Variants in NEK11 observed in about 807,000 individuals in gnomAD.
NEK11 encodes the protein serine/threonine-protein kinase Nek11.
Under a neutral mutation model 80.7 loss-of-function variants are expected in NEK11, and 72 were observed. The observed-to-expected ratio is 0.89, with a 90% CI of 0.74 to 1.08. The LOEUF (loss-of-function observed/expected upper bound fraction) is 1.08. NEK11 is among the 50% of genes least tolerant of loss of function. NEK11 has a pLI of 0.00. For synonymous variants in NEK11, 251 were observed against 260.7 expected (o/e 0.96, Z 0.36); for missense variants, 764 against 763.6 (o/e 1.00, Z -0.01).
intron 15 of NEK11, among the ~76,000 whole-genome samples, chr3:131,241,727 C>T (rs932384854): frequency 6.6e-6 from 1 of 151,548 alleles, no homozygotes; most frequent in Non-Finnish European, 1.5e-5. Context: ...ACACACATAC[C>T]GTACATATAT....
intron 10 of NEK11, among the ~76,000 whole-genome samples, chr3:131,155,470 T>C (rs2090493385): frequency 6.6e-6 from 1 of 152,244 alleles, no homozygotes; most frequent in Non-Finnish European, 1.5e-5. Context: ...ATGTTGTTTG[T>C]TTAATGTGAA....
At chr3:131,144,535 A>G (rs184238478) in intron 7 of NEK11, among the ~76,000 whole-genome samples, 1 of 152,324 alleles carries the variant, frequency 6.6e-6, no homozygotes, top group East Asian at 1.9e-4. Flanking sequence ...AAACACTGGT[A>G]CATAGAAATA....
chr3:131,243,989 T>C (rs1423485348), intron 16 of NEK11, among the ~76,000 whole-genome samples: 1 of 152,020 alleles, frequency 6.6e-6, no homozygotes, highest in Non-Finnish European at 1.5e-5. Flanking sequence ...CCCTATTTCT[T>C]AGTTTCTTCT....
chr3:131,246,474 C>T (rs1307022609), intron 16 of NEK11, among the ~76,000 whole-genome samples: 1 of 152,038 alleles, frequency 6.6e-6, no homozygotes, highest in Non-Finnish European at 1.5e-5. Context: ...GGTGTGTGTA[C>T]CACATGTGTA....
In NEK11 at chr3:131,095,604, T is replaced by A. The variant is rs138058036; in HGVS notation, c.337-14199T>A. Among the ~76,000 whole-genome samples, 91 of 152,290 alleles carry A rather than the reference T, an allele frequency of 6.0e-4. No individual in the cohort carries two copies. In the East Asian group the frequency reaches 0.012, roughly 20 times the overall value. Reference sequence around the variant, plus strand: ...CTATCAAGTTTCTGGGAATTTCATATAATTTCTGGAAAACATATTAATAAC... The same window carrying A: ...CTATCAAGTTTCTGGGAATTTCATAAAATTTCTGGAAAACATATTAATAAC... On this transcript the variant is annotated intron_variant, in intron 4 of 17. Transcript: ENST00000383366.
intron 3 of NEK11, among the ~76,000 whole-genome samples, chr3:131,035,174 G>C (rs76863087): frequency 0.01 from 1,529 of 152,208 alleles, 20 homozygotes; most frequent in East Asian, 0.072. Context: ...CCAGGCTCTT[G>C]CCTCCTCAGA....
rs371209855 is a variant in NEK11, at chr3:131,164,788, G to A, written c.1083-638G>A. Among the ~76,000 whole-genome samples, 75 of 152,300 alleles carry A rather than the reference G, an allele frequency of 4.9e-4. 2 individuals carry two copies. In the South Asian group the frequency reaches 0.012, roughly 25 times the overall value. ...GGATCATGTGTTTTAGCTAGAAAAT[G>A]ACTCTATTGTCAGAAGAATTATAAT... On this transcript the variant is annotated intron_variant, in intron 11 of 17. Coordinates refer to ENST00000383366, the MANE Select transcript of NEK11 (RefSeq NM_024800.5).
chr3:131,345,393 G>A (rs575739475), intron 17 of NEK11, among the ~76,000 whole-genome samples: 2 of 152,276 alleles, frequency 1.3e-5, no homozygotes, highest in South Asian at 4.1e-4. Flanking sequence ...GATCTGAACA[G>A]ATATCTCTCC....
chr3:131,307,129 G>A (rs546447699), intron 17 of NEK11, among the ~76,000 whole-genome samples: 1 of 152,156 alleles, frequency 6.6e-6, no homozygotes, highest in Non-Finnish European at 1.5e-5. Flanking sequence ...TGGAAAATGA[G>A]AAACTAGAAG....
chr3:131,332,081 A>ACGTCC (rs2097097493), intron 17 of NEK11, among the ~76,000 whole-genome samples: 1 of 152,212 alleles, frequency 6.6e-6, no homozygotes, highest in African/African-American at 2.4e-5. Flanking sequence ...GCAGAATTAA[A>ACGTCC]CGTCCCGGTC....
At chr3:131,308,996 G>A (rs2096750453) in intron 17 of NEK11, among the ~76,000 whole-genome samples, 1 of 152,176 alleles carries the variant, frequency 6.6e-6, no homozygotes, top group African/African-American at 2.4e-5. Flanking sequence ...ATCTAATGCT[G>A]CCACTGGTTT....
At chr3:131,236,641 G>T (rs2095436335) in intron 15 of NEK11, among the ~76,000 whole-genome samples, 1 of 152,172 alleles carries the variant, frequency 6.6e-6, no homozygotes, top group Non-Finnish European at 1.5e-5. Context: ...TTAGTCTTAT[G>T]GGAGCTGTGG....
intron 17 of NEK11, among the ~76,000 whole-genome samples, chr3:131,284,954 A>G (rs6768872): frequency 0.13 from 19,377 of 152,188 alleles, 1,779 homozygotes; most frequent in East Asian, 0.3. Flanking sequence ...GTGTAAGTCA[A>G]TCCTCCTTAA....
chr3:131,288,651 C>T (rs991092782), intron 17 of NEK11, among the ~76,000 whole-genome samples: 9 of 151,874 alleles, frequency 5.9e-5, no homozygotes, highest in Non-Finnish European at 1.2e-4. Flanking sequence ...GGGGTTTCTC[C>T]ATGTAGGTCT....
intron 14 of NEK11, among the ~76,000 whole-genome samples, chr3:131,179,181 G>T (rs920951879): frequency 3.3e-5 from 5 of 152,138 alleles, no homozygotes; most frequent in African/African-American, 4.8e-5. Flanking sequence ...GCAATAATAC[G>T]CCATGTTGGC....
chr3:131,177,089 T>A (rs2093065028), intron 14 of NEK11, among the ~76,000 whole-genome samples: 1 of 152,222 alleles, frequency 6.6e-6, no homozygotes, highest in South Asian at 2.1e-4. Flanking sequence ...CGGTATGGTT[T>A]TCCTTTAGTT....
At chr3:131,097,579 GTTGT>G (rs879701457) in intron 4 of NEK11, among the ~76,000 whole-genome samples, 1 of 152,078 alleles carries the variant, frequency 6.6e-6, no homozygotes, top group African/African-American at 2.4e-5. Context: ...TTTTGATGGG[GTTGT>G]TTGTTTTTTT....
At chr3:131,243,307 A>G (rs2095546111) in intron 15 of NEK11, 129 bp from the exon 16 acceptor site, 1 of 674,778 alleles carries the variant, frequency 1.5e-6, no homozygotes, top group African/African-American at 1.8e-5. Context: ...TTTTAAAAAT[A>G]GGATTATACT....
At chr3:131,098,006 C>G (rs1445869974) in intron 4 of NEK11, among the ~76,000 whole-genome samples, 1 of 145,158 alleles carries the variant, frequency 6.9e-6, no homozygotes, top group African/African-American at 2.5e-5. Context: ...TGCCGCATAT[C>G]TACAACTATC....
Sources: gnomAD v4.1 joint callset for allele counts (sites outside exome capture counted in the v4.1 genomes callset) on GRCh38, gnomAD v4.1.1 for gene constraint, MANE v1.5 for transcripts, NCBI Gene and HGNC (gene_info 2026-07-23, HGNC 2026-07-21) for gene names.